Variants in PDE3B observed in about 807,000 individuals in gnomAD.
PDE3B encodes phosphodiesterase 3B.
PDE3B carries 66 observed loss-of-function variants against 116.8 expected under a neutral mutation model. That is an observed-to-expected ratio of 0.56 (90% CI 0.46 to 0.69). PDE3B has a LOEUF of 0.69. Ranked by LOEUF, PDE3B falls within the 30% of genes least tolerant of loss-of-function variation. PDE3B has a pLI of 0.00. For missense variants in PDE3B, 1,384 were observed against 1,368.1 expected, an observed-to-expected ratio of 1.01 and a Z score of -0.18; for synonymous variants, 595 against 533.6, an observed-to-expected ratio of 1.12 and a Z score of -1.59.
chr11:14,783,457 T>C (rs1858092729), intron 2 of PDE3B, among the ~76,000 whole-genome samples: 1 of 152,174 alleles, frequency 6.6e-6, no homozygotes, highest in Non-Finnish European at 1.5e-5. Flanking sequence ...ATGTCCTTTG[T>C]AGGGACATGG....
the PDE3B span, chr11:14,891,712 C>G: frequency 8.0e-7 from 1 of 1,248,152 alleles, no homozygotes; most frequent in African/African-American, 1.6e-5. Context: ...AGAGCTCGAG[C>G]GGTAGCGGGA....
intron 7 of PDE3B, among the ~76,000 whole-genome samples, chr11:14,829,231 A>G (rs975154339): frequency 1.3e-5 from 2 of 152,136 alleles, no homozygotes; most frequent in African/African-American, 4.8e-5. Context: ...GTAATGAAAT[A>G]ACCTGTACAA....
At chr11:14,721,526 A>T (rs1020212569) in intron 1 of PDE3B, among the ~76,000 whole-genome samples, 3 of 151,800 alleles carry the variant, frequency 2.0e-5, no homozygotes, top group Non-Finnish European at 4.4e-5. Flanking sequence ...AACCGACCCA[A>T]ATGTCCAACA....
In PDE3B at chr11:14,782,261, T is replaced by G. The variant is rs866734450; in HGVS notation, c.1030-4176T>G. 9.2e-5 allele frequency among the ~76,000 whole-genome samples: 14 copies of G among 152,282 alleles called. No homozygotes were observed. The Middle Eastern group carries it at 0.014, about 148-fold the overall frequency. On this transcript the variant is annotated intron_variant, in intron 2 of 15. Coordinates refer to ENST00000282096, the MANE Select transcript of PDE3B (RefSeq NM_000922.4). Reference sequence around the variant, plus strand: ...CTTCACAGAATTGGAAAAAACTACTTGAAAGTTCATGTGGAACCAAAAAAG... The same window carrying G: ...CTTCACAGAATTGGAAAAAACTACTGGAAAGTTCATGTGGAACCAAAAAAG...
At chr11:14,788,894 C>A in intron 3 of PDE3B, 1 of 357,120 alleles carries the variant, frequency 2.8e-6, no homozygotes, top group South Asian at 7.7e-5. Flanking sequence ...AGAGTTCAGA[C>A]ATATTTTTTA....
chr11:14,749,542 C>T (rs1856999959), intron 1 of PDE3B, among the ~76,000 whole-genome samples: 1 of 152,082 alleles, frequency 6.6e-6, no homozygotes, highest in South Asian at 2.1e-4. Context: ...AAGCAGTCTT[C>T]CTTATGACAA....
chr11:14,869,135 C>T (rs1848099754), intron 15 of PDE3B, among the ~76,000 whole-genome samples: 1 of 152,046 alleles, frequency 6.6e-6, no homozygotes, highest in African/African-American at 2.4e-5. Flanking sequence ...GAAATTTCAG[C>T]ACGCTTCTTC....
chr11:14,753,358 C>T (rs1036528887), intron 1 of PDE3B, among the ~76,000 whole-genome samples: 12 of 152,068 alleles, frequency 7.9e-5, no homozygotes, highest in African/African-American at 2.4e-4. Flanking sequence ...ATTTTAATGT[C>T]GAAGTTAAAT....
At chr11:14,647,375 A>G (rs1454542058) in intron 1 of PDE3B, among the ~76,000 whole-genome samples, 1 of 152,052 alleles carries the variant, frequency 6.6e-6, no homozygotes, top group African/African-American at 2.4e-5. Context: ...GTATCCTGTC[A>G]AATTAAGGGA....
chr11:14,786,307 GAAAA>G, intron 2 of PDE3B, 126 bp from the exon 3 acceptor site: 1 of 623,000 alleles, frequency 1.6e-6, no homozygotes, highest in Non-Finnish European at 2.5e-6. Flanking sequence ...TAGCGAAAAA[GAAAA>G]AAATTAAAGT....
intron 14 of PDE3B, among the ~76,000 whole-genome samples, chr11:14,866,922 C>G (rs1384863263): frequency 1.3e-5 from 2 of 152,106 alleles, no homozygotes; most frequent in African/African-American, 4.8e-5. Context: ...AAATTAAGCC[C>G]TAGAAGCCAC....
intron 2 of PDE3B, among the ~76,000 whole-genome samples, chr11:14,779,418 G>A (rs537510678): frequency 6.6e-6 from 1 of 152,322 alleles, no homozygotes; most frequent in African/African-American, 2.4e-5. Flanking sequence ...CAGCCAGAGA[G>A]AAAGGTCGGG....
At chr11:14,703,389 T>A (rs889018753) in intron 1 of PDE3B, among the ~76,000 whole-genome samples, 140 of 151,728 alleles carry the variant, frequency 9.2e-4, no homozygotes, top group African/African-American at 3.2e-3. Context: ...AGTGCTGGGA[T>A]AAATTCAACT....
rs1853314521 is a variant in PDE3B at position 14,644,485 on chromosome 11, C to G, written c.410C>G (p.Thr137Ser). 1 of 1,613,020 alleles carries G rather than the reference C, an allele frequency of 6.2e-7. No individual in the cohort carries two copies. Among genetic ancestry groups the G allele is most frequent in the South Asian group, 1.1e-5 (1 of 91,004 alleles). ...TTCTTCTTCCTCACCTGCTTCCTCA[C>G]CCGGACCAAGCGGGGACCCGGCCCG... is the stretch of plus-strand genomic sequence containing the variant. ...CAFFFLTCFL[T>S]RTKRGPGPGR... The change falls in exon 1 of 16, where the codon ACC becomes AGC. Residue 137 changes from threonine to serine, a missense_variant. Physicochemically the swap from Thr to Ser is moderately conservative, Grantham distance 58. Around this residue, in one of 2 missense-constraint regions of PDE3B, gnomAD observed 956 missense variants for 806.8 expected, o/e 1.18. Transcript: ENST00000282096.
chr11:14,788,360 A>C (rs1480621577), intron 3 of PDE3B, among the ~76,000 whole-genome samples: 3 of 151,986 alleles, frequency 2.0e-5, no homozygotes, highest in Non-Finnish European at 4.4e-5. Context: ...ATATTAACAT[A>C]AAGGACTTTT....
chr11:14,696,886 G>A (rs1855221809), intron 1 of PDE3B, among the ~76,000 whole-genome samples: 1 of 152,026 alleles, frequency 6.6e-6, no homozygotes, highest in South Asian at 2.1e-4. Context: ...TTGCCTACAG[G>A]AAGATCACAA....
chr11:14,884,704 T>C, the PDE3B span, among the ~76,000 whole-genome samples: 1 of 151,596 alleles, frequency 6.6e-6, no homozygotes, highest in Non-Finnish European at 1.5e-5. Flanking sequence ...AAATAAAAAT[T>C]AAAAAAAGAA....
At chr11:14,664,042 C>G (rs1167652477) in intron 1 of PDE3B, among the ~76,000 whole-genome samples, 3 of 151,996 alleles carry the variant, frequency 2.0e-5, no homozygotes, top group Non-Finnish European at 2.9e-5. Flanking sequence ...CAAATGTAAA[C>G]AAGCAGAAAT....
chr11:14,841,807 G>A (rs1022278187), intron 11 of PDE3B, among the ~76,000 whole-genome samples: 6 of 148,812 alleles, frequency 4.0e-5, no homozygotes, highest in African/African-American at 1.5e-4. Flanking sequence ...TGGGATTATA[G>A]GCATGAGCCA....
Sources: allele counts gnomAD v4.1 joint callset (sites outside exome capture counted in the v4.1 genomes callset), GRCh38; gene constraint gnomAD v4.1.1; regional missense constraint gnomAD v4.1.1; transcripts MANE v1.5; gene names NCBI Gene and HGNC (gene_info 2026-07-23, HGNC 2026-07-21).